Variants in PTPN12 observed in about 807,000 individuals in gnomAD.
PTPN12 encodes the protein protein tyrosine phosphatase non-receptor type 12.
A neutral mutation model predicts 97.6 loss-of-function variants in PTPN12; 29 were observed. The ratio of observed to expected loss-of-function variants is 0.30; its 90% CI spans 0.22 to 0.41. PTPN12 has a LOEUF of 0.41. Among genes scored for constraint, PTPN12 ranks in the 10% least tolerant of loss-of-function variants. PTPN12 has a pLI of 1.00. For missense variants in PTPN12, 819 were observed against 926.0 expected (o/e 0.88, Z 1.50); for synonymous variants, 327 against 300.4 (o/e 1.09, Z -0.91).
intron 11 of PTPN12, among the ~76,000 whole-genome samples, chr7:77,617,944 T>C (rs753262556): frequency 5.9e-5 from 9 of 152,124 alleles, no homozygotes; most frequent in Non-Finnish European, 8.8e-5. Flanking sequence ...AGGAGCTATA[T>C]TCCCTAATGG....
chr7:77,588,997 C>T (rs563877174), intron 5 of PTPN12, among the ~76,000 whole-genome samples: 2 of 152,142 alleles, frequency 1.3e-5, no homozygotes, highest in African/African-American at 4.8e-5. Flanking sequence ...CTCAGCCTCC[C>T]GAGTAGCTGG....
At chr7:77,570,635 T>C (rs976309782) in intron 1 of PTPN12, among the ~76,000 whole-genome samples, 4 of 152,236 alleles carry the variant, frequency 2.6e-5, no homozygotes, top group African/African-American at 9.6e-5. Flanking sequence ...TGCAGTGTCT[T>C]GTAAGTAATT....
chr7:77,628,846 T>G (rs974404821), intron 13 of PTPN12, among the ~76,000 whole-genome samples: 3 of 150,292 alleles, frequency 2.0e-5, no homozygotes, highest in African/African-American at 7.3e-5. Context: ...CCTTGAAAGA[T>G]TATTTTCTAT....
At chr7:77,587,021 C>A (rs1178374905) in intron 5 of PTPN12, among the ~76,000 whole-genome samples, 35 of 152,088 alleles carry the variant, frequency 2.3e-4, no homozygotes, top group Admixed American at 2.2e-3. Context: ...AAGTCTTGAA[C>A]CTCTCAAAGT....
At chr7:77,595,811 T>A (rs558216992) in intron 6 of PTPN12, among the ~76,000 whole-genome samples, 117 of 152,332 alleles carry the variant, frequency 7.7e-4, no homozygotes, top group African/African-American at 2.7e-3. Flanking sequence ...ATAATCCTTG[T>A]TCTAAACTAT....
intron 6 of PTPN12, among the ~76,000 whole-genome samples, chr7:77,593,839 A>G (rs912149554): frequency 1.3e-5 from 2 of 152,226 alleles, no homozygotes; most frequent in African/African-American, 2.4e-5. Flanking sequence ...TTCCTTATTC[A>G]GAGTTTCTTG....
At chr7:77,550,821 C>A (rs1190619471) in intron 1 of PTPN12, among the ~76,000 whole-genome samples, 1 of 152,160 alleles carries the variant, frequency 6.6e-6, no homozygotes, top group East Asian at 1.9e-4. Flanking sequence ...TTCCTTGGCC[C>A]TCCAGAAAAA....
chr7:77,610,329 T>A (rs916306000), intron 9 of PTPN12, among the ~76,000 whole-genome samples: 1 of 152,226 alleles, frequency 6.6e-6, no homozygotes, highest in Non-Finnish European at 1.5e-5. Context: ...TTATCTTCTC[T>A]CCTCCTTTGA....
At chr7:77,599,279 T>C (rs1051884396) in intron 7 of PTPN12, among the ~76,000 whole-genome samples, 2 of 151,588 alleles carry the variant, frequency 1.3e-5, no homozygotes, top group African/African-American at 2.4e-5. Flanking sequence ...CATTTAGATA[T>C]ATATTGTTTT....
At chr7:77,568,269 TGTA>T (rs1398962114) in intron 1 of PTPN12, among the ~76,000 whole-genome samples, 2 of 152,142 alleles carry the variant, frequency 1.3e-5, no homozygotes, top group African/African-American at 4.8e-5. Flanking sequence ...TTATGAGAAA[TGTA>T]GTCATTTCAC....
intron 6 of PTPN12, 63 bp from the exon 7 acceptor site, chr7:77,597,779 T>C: frequency 6.5e-7 from 1 of 1,538,928 alleles, no homozygotes; most frequent in Non-Finnish European, 8.7e-7. Context: ...GTATTTTATT[T>C]GTTTTGATGT....
At chr7:77,625,516 T>TCTCA (rs1789129879) in intron 12 of PTPN12, among the ~76,000 whole-genome samples, 1 of 100,320 alleles carries the variant, frequency 1.0e-5, no homozygotes, top group Non-Finnish European at 2.0e-5. Flanking sequence ...TCTCTCTCTC[T>TCTCA]CTCTCTCACT....
intron 1 of PTPN12, among the ~76,000 whole-genome samples, chr7:77,540,584 C>G (rs1461096008): frequency 6.6e-6 from 1 of 150,778 alleles, no homozygotes; most frequent in Non-Finnish European, 1.5e-5. Flanking sequence ...TTCCATGATA[C>G]CTAGGTATAG....
chr7:77,599,854 C>T (rs1398687956), intron 7 of PTPN12, among the ~76,000 whole-genome samples: 2 of 152,174 alleles, frequency 1.3e-5, no homozygotes, highest in South Asian at 2.1e-4. Context: ...AATAACCATT[C>T]TCAAAACATT....
chr7:77,538,099 G>T (rs1242439105), intron 1 of PTPN12: 5 of 991,016 alleles, frequency 5.0e-6, no homozygotes, highest in East Asian at 1.1e-4. Context: ...AGGAACGGGG[G>T]TATTGAGGTT....
intron 2 of PTPN12, among the ~76,000 whole-genome samples, chr7:77,573,750 T>G (rs963934982): frequency 6.6e-6 from 1 of 152,226 alleles, no homozygotes; most frequent in Non-Finnish European, 1.5e-5. Context: ...TCTCTTTTCA[T>G]ATGATGTTTC....
At chr7:77,600,598 T>G in intron 7 of PTPN12, 66 bp from the exon 8 acceptor site, 5 of 1,342,036 alleles carry the variant, frequency 3.7e-6, no homozygotes, top group Non-Finnish European at 5.0e-6. Context: ...GCAGTTTAAA[T>G]GAGCTGTGCA....
chr7:77,625,472 G>GCGCTCTCTCT (rs1554326597), intron 12 of PTPN12, among the ~76,000 whole-genome samples: 3 of 33,522 alleles, frequency 8.9e-5, no homozygotes, highest in Non-Finnish European at 1.5e-4. Context: ...CAGGCTGCTC[G>GCGCTCTCTCT]CTCTCTCTCT....
intron 5 of PTPN12, among the ~76,000 whole-genome samples, chr7:77,586,660 C>T (rs1443389571): frequency 6.6e-6 from 1 of 152,200 alleles, no homozygotes; most frequent in Non-Finnish European, 1.5e-5. Context: ...CTGTAGCATG[C>T]CATGCTGTTT....
Sources: gnomAD v4.1 joint callset for allele counts (sites outside exome capture counted in the v4.1 genomes callset) on GRCh38, gnomAD v4.1.1 for gene constraint, MANE v1.5 for transcripts, NCBI Gene and HGNC (gene_info 2026-07-23, HGNC 2026-07-21) for gene names.